The following APCDD1L variants were observed in gnomAD, a reference collection of about 807,000 sequenced individuals.
APCDD1L encodes the protein protein APCDD1-like.
In APCDD1L, 21 loss-of-function variants were observed where a neutral mutation model predicts 24.2. The observed-to-expected ratio is 0.87, with a 90% CI of 0.61 to 1.25. The LOEUF is 1.25. Ranked by LOEUF, APCDD1L falls within the 50% of genes most tolerant of loss-of-function variation. The probability of loss-of-function intolerance (pLI) is 0.00; values close to 1 mark genes in which losing one functional copy is unlikely to be tolerated. For synonymous variants in APCDD1L, 321 were observed against 323.6 expected, an observed-to-expected ratio of 0.99 and a Z score of 0.09; for missense variants, 704 against 711.7, an observed-to-expected ratio of 0.99 and a Z score of 0.12.
At chr20:58,506,500 C>T (rs187112969) in intron 1 of APCDD1L, among the ~76,000 whole-genome samples, 58 of 152,286 alleles carry the variant, frequency 3.8e-4, no homozygotes, top group African/African-American at 1.4e-3. Context: ...ACACTCTTAT[C>T]TACTCAAGCA....
intron 1 of APCDD1L, among the ~76,000 whole-genome samples, chr20:58,486,972 C>T (rs6015288): frequency 6.9e-6 from 1 of 144,652 alleles, no homozygotes; most frequent in Non-Finnish European, 1.5e-5. Flanking sequence ...AGCAATTCTC[C>T]TGCCTCAGCC....
In APCDD1L at chr20:58,494,634, T is replaced by C. The variant is rs1990286331; in HGVS notation, c.49+20025A>G. The stretch of plus-strand genomic sequence containing the variant: ...GATTATAGGTGTGAGCCACTGTGCC[T>C]GGCTGTCAACTGTGTTTCAAAGTAT... On this transcript the variant is annotated intron_variant, in intron 1 of 3. Coordinates refer to ENST00000371149, the MANE Select transcript of APCDD1L (RefSeq NM_153360.3). This position sits in a 1 kb window ranked among gnomAD's most constrained non-coding sequence, Gnocchi z 4.8. Among the ~76,000 whole-genome samples, 1 of 152,212 alleles carries C rather than the reference T, an allele frequency of 6.6e-6. No individual in the cohort carries two copies. The highest frequency in any genetic ancestry group is 1.5e-5 in the Non-Finnish European group (1 of 68,044).
At position 58,508,937 on chromosome 20, in the gene APCDD1L, A is replaced by AGT. The variant is rs147261871; in HGVS notation, c.49+5720_49+5721dup. ...GCGTGAGTGTGCATGAGTGTGCGTG[A>AGT]GTGTGTGTGAGTGTGCATGTGTGTC... On this transcript the variant is annotated intron_variant, in intron 1 of 3. Transcript: ENST00000371149. This position sits in a 1 kb window ranked among gnomAD's most constrained non-coding sequence, Gnocchi z 4.0. 6.7e-6 allele frequency among the ~76,000 whole-genome samples: 1 copy of AGT among 148,252 alleles called. No individual in the cohort carries two copies. The highest frequency in any genetic ancestry group is 2.5e-5 in the African/African-American group (1 of 40,600).
Position 58,467,398 on chromosome 20 carries a change from T to C in APCDD1L, c.449A>G (p.Asn150Ser). ...RALVDVTGRL[N>S]QTRAGRDCAR... ...GCAGTCCCGGCCGGCGCGGGTCTGG[T>C]TGAGGCGCCCGGTGACGTCGACCAG... The change falls in exon 3 of 4, where the codon AAC (asparagine) becomes AGC (serine). Residue 150 changes from asparagine to serine, a missense_variant. By Grantham distance (46) the Asn-to-Ser change is conservative. Coordinates refer to ENST00000371149, the MANE Select transcript of APCDD1L (RefSeq NM_153360.3). This position sits in a 1 kb window ranked among gnomAD's most constrained non-coding sequence, Gnocchi z 5.9. 3.3e-6 allele frequency: 5 copies of C among 1,531,876 alleles called. No individual in the cohort carries two copies. The highest frequency in any genetic ancestry group is 4.4e-6 in the Non-Finnish European group (5 of 1,141,970). The allele number at this position is 1,531,876 out of a possible 1,614,324, so 94.9% of individuals were successfully genotyped here.
intron 1 of APCDD1L, among the ~76,000 whole-genome samples, chr20:58,477,150 C>T (rs1989924926): frequency 6.6e-6 from 1 of 152,214 alleles, no homozygotes; most frequent in Non-Finnish European, 1.5e-5. Flanking sequence ...ACATCTTACG[C>T]AGACATTGTG....
chr20:58,472,468 C>T (rs929897128), intron 1 of APCDD1L, among the ~76,000 whole-genome samples: 3 of 152,102 alleles, frequency 2.0e-5, no homozygotes, highest in Non-Finnish European at 4.4e-5. Context: ...ACGGCGTCAC[C>T]GGTGCTTGTC....
chr20:58,484,686 C>T lies in APCDD1L; in HGVS notation c.50-13939G>A, dbSNP rs577372358. On this transcript the variant is annotated intron_variant, in intron 1 of 3. Transcript: ENST00000371149. ...TGCCGCGGAGGAACTAGAGATGATG[C>T]AGGGGCAGAAGCAGGAGATGTAATA... 2.0e-5 allele frequency among the ~76,000 whole-genome samples: 3 copies of T among 152,258 alleles called. No homozygotes were observed. The East Asian group carries it at 5.8e-4, about 29-fold the overall frequency.
rs1288329700 is a variant in APCDD1L, at chr20:58,461,757, C to G, written c.742-203G>C. ...GGATGGCCTCCTTGATGGAGGTCAG[C>G]CCCTGTATCCCCCGGGCCTTGGGTC... is the stretch of plus-strand genomic sequence containing the variant. On this transcript the variant is annotated intron_variant, in intron 3 of 3. Transcript: ENST00000371149. This position sits in a 1 kb window ranked among gnomAD's most constrained non-coding sequence, Gnocchi z 6.0. 6.7e-6 allele frequency: 3 copies of G among 447,202 alleles called. No individual in the cohort carries two copies. Among genetic ancestry groups the G allele is most frequent in the Non-Finnish European group, 1.1e-5 (3 of 268,124 alleles). 27.7% of individuals were successfully genotyped at this position (447,202 alleles called of 1,614,324 possible). A position where few individuals can be genotyped will look rare whatever the true frequency, so the allele number is the denominator to read the frequency against.
chr20:58,506,302 T>C (rs1990527448), intron 1 of APCDD1L, among the ~76,000 whole-genome samples: 1 of 152,148 alleles, frequency 6.6e-6, no homozygotes, highest in South Asian at 2.1e-4. Context: ...TTTCTGTCTC[T>C]TTCTCTCCAG....
intron 1 of APCDD1L, among the ~76,000 whole-genome samples, chr20:58,512,896 C>T (rs943331165): frequency 6.6e-6 from 1 of 151,822 alleles, no homozygotes; most frequent in Non-Finnish European, 1.5e-5. Flanking sequence ...GGCTGCCCCC[C>T]TCTCTCGTCA....
intron 1 of APCDD1L, among the ~76,000 whole-genome samples, chr20:58,480,113 T>C (rs947834619): frequency 2.0e-5 from 3 of 152,196 alleles, no homozygotes; most frequent in Non-Finnish European, 4.4e-5. Flanking sequence ...AATCTCCTCA[T>C]CCACCTAATC....
Position 58,472,915 on chromosome 20 carries a change from C to T in APCDD1L, c.50-2168G>A, listed in dbSNP as rs190660273. Reference sequence around the variant, plus strand: ...CAGGAGTCCTGAGCTGACGGGTGCACGTCAGCGTCAACACCACGTGCATGT... The same window carrying T: ...CAGGAGTCCTGAGCTGACGGGTGCATGTCAGCGTCAACACCACGTGCATGT... On this transcript the variant is annotated intron_variant, in intron 1 of 3. Coordinates refer to ENST00000371149, the MANE Select transcript of APCDD1L (RefSeq NM_153360.3). Among the ~76,000 whole-genome samples the T allele has an allele frequency of 3.2e-4, 49 of 152,322 alleles. No homozygotes were observed. In the East Asian group the frequency reaches 6.9e-3, roughly 22 times the overall value.
At chr20:58,507,535 A>C (rs896429136) in intron 1 of APCDD1L, among the ~76,000 whole-genome samples, 66 of 151,438 alleles carry the variant, frequency 4.4e-4, no homozygotes, top group African/African-American at 1.6e-3. Flanking sequence ...CCACACCCCC[A>C]CACACACACC....
At chr20:58,493,549 A>T (rs547578310) in intron 1 of APCDD1L, among the ~76,000 whole-genome samples, 81 of 152,366 alleles carry the variant, frequency 5.3e-4, no homozygotes, top group Middle Eastern at 3.4e-3. Context: ...GCCACACCTA[A>T]TAGTGTGCTC....
intron 1 of APCDD1L, among the ~76,000 whole-genome samples, chr20:58,509,932 C>T (rs1990596086): frequency 6.6e-6 from 1 of 152,188 alleles, no homozygotes; most frequent in Non-Finnish European, 1.5e-5. Context: ...AGGAACCAGC[C>T]CCTGCCAACC....
At chr20:58,492,309 G>A (rs942540822) in intron 1 of APCDD1L, among the ~76,000 whole-genome samples, 1 of 152,174 alleles carries the variant, frequency 6.6e-6, no homozygotes, top group African/African-American at 2.4e-5. Flanking sequence ...TTAAGATACA[G>A]GTTGTGTAAA....
Position 58,515,000 on chromosome 20 carries a change from T to C in APCDD1L, c.-293A>G. 3.2e-6 allele frequency: 1 copy of C among 314,844 alleles called. No homozygotes were observed. The highest frequency in any genetic ancestry group is 5.0e-5 in the East Asian group (1 of 20,032). 19.5% of individuals were successfully genotyped at this position (314,844 alleles called of 1,614,324 possible). On this transcript the variant is annotated 5_prime_UTR_variant, in exon 1 of 4. Transcript: ENST00000371149. ...GCGCACAGCCCCCTGGTGCAGCTCC[T>C]GCCATTCAGACCCCCAGCCCTCCCC... is the stretch of plus-strand genomic sequence containing the variant.
At chr20:58,486,993 C>G (rs1375009638) in intron 1 of APCDD1L, among the ~76,000 whole-genome samples, 6 of 150,946 alleles carry the variant, frequency 4.0e-5, no homozygotes, top group Non-Finnish European at 8.8e-5. Flanking sequence ...TCCCAAGTAG[C>G]TGGGATTACA....
rs541539048 is a variant in APCDD1L, at chr20:58,460,584, C to T, written c.*206G>A. ...GCATCCAAGTGCTTGACTGGGGACC[C>T]GGGCTGTGGGATGTGGTATAGGCTT... On this transcript the variant is annotated 3_prime_UTR_variant, in exon 4 of 4. Coordinates refer to ENST00000371149, the MANE Select transcript of APCDD1L (RefSeq NM_153360.3). This position sits in a 1 kb window ranked among gnomAD's most constrained non-coding sequence, Gnocchi z 4.2. The T allele has an allele frequency of 2.8e-5, 14 of 504,974 alleles. No homozygotes were observed. Among genetic ancestry groups the T allele is most frequent in the Non-Finnish European group, 3.8e-5 (12 of 315,288 alleles). The allele number at this position is 504,974 out of a possible 1,614,324, so 31.3% of individuals were successfully genotyped here. A position where few individuals can be genotyped will look rare whatever the true frequency, so the allele number is the denominator to read the frequency against.
Sources: allele counts gnomAD v4.1 joint callset (sites outside exome capture counted in the v4.1 genomes callset), GRCh38; gene constraint gnomAD v4.1.1; non-coding constraint Gnocchi (gnomAD v3.1); transcripts MANE v1.5; gene names NCBI Gene and HGNC (gene_info 2026-07-23, HGNC 2026-07-21).